The following PSMD1 variants were observed in gnomAD, a reference collection of about 807,000 sequenced individuals.
PSMD1 encodes 26S proteasome non-ATPase regulatory subunit 1.
Under a neutral mutation model 119.0 loss-of-function variants are expected in PSMD1, and 18 were observed. The observed-to-expected ratio is 0.15, with a 90% confidence interval of 0.10 to 0.22. PSMD1 has a LOEUF of 0.22. Among genes scored for constraint, PSMD1 ranks in the 10% least tolerant of loss-of-function variants. The pLI is 1.00. For missense variants in PSMD1, 702 were observed against 1,158.5 expected, an observed-to-expected ratio of 0.61 and a Z score of 5.72; for synonymous variants, 374 against 396.6, an observed-to-expected ratio of 0.94 and a Z score of 0.68.
chr2:231,151,802 A>ATTTTTTTTTTTTTTTTTTTTT (rs1559251249), intron 18 of PSMD1, among the ~76,000 whole-genome samples: 3 of 133,126 alleles, frequency 2.3e-5, no homozygotes, highest in Non-Finnish European at 1.6e-5. Context: ...CAAACATGAG[A>ATTTTTTTTTTTTTTTTTTTTT]ATTTTTTTTT....
intron 16 of PSMD1, among the ~76,000 whole-genome samples, chr2:231,115,817 C>T (rs1342563546): frequency 6.6e-6 from 1 of 152,140 alleles, no homozygotes; most frequent in African/African-American, 2.4e-5. Context: ...TGAGGATCGG[C>T]ATCACCTGGG....
chr2:231,095,107 C>T (rs374279421), intron 16 of PSMD1, among the ~76,000 whole-genome samples: 1 of 152,082 alleles, frequency 6.6e-6, no homozygotes, highest in Non-Finnish European at 1.5e-5. Flanking sequence ...TGGGTCTATG[C>T]GATTTAGTTG....
At chr2:231,110,381 T>C (rs1695117597) in intron 16 of PSMD1, among the ~76,000 whole-genome samples, 1 of 152,232 alleles carries the variant, frequency 6.6e-6, no homozygotes, top group Non-Finnish European at 1.5e-5. Context: ...TTCTGATCTT[T>C]AAATACCATG....
chr2:231,141,319 A>AG, intron 17 of PSMD1, among the ~76,000 whole-genome samples: 1 of 151,666 alleles, frequency 6.6e-6, no homozygotes, highest in East Asian at 1.9e-4. Context: ...AAAAAAAAAA[A>AG]GCTATTTTTC....
intron 20 of PSMD1, among the ~76,000 whole-genome samples, chr2:231,162,522 C>T (rs907038721): frequency 6.6e-6 from 1 of 152,194 alleles, no homozygotes; most frequent in Non-Finnish European, 1.5e-5. Flanking sequence ...ATTAAACATC[C>T]TGTATAACCT....
intron 17 of PSMD1, among the ~76,000 whole-genome samples, chr2:231,144,846 G>A (rs111658166): frequency 1.3e-5 from 2 of 152,132 alleles, no homozygotes; most frequent in African/African-American, 4.8e-5. Flanking sequence ...AGATTGTTTT[G>A]TGCTGGATTT....
intron 16 of PSMD1, among the ~76,000 whole-genome samples, chr2:231,127,272 AAC>A (rs1220780176): frequency 6.6e-6 from 1 of 151,020 alleles, no homozygotes; most frequent in African/African-American, 2.4e-5. Context: ...CAACAACAAC[AAC>A]AAAAAAAAAA....
chr2:231,067,688 G>T (rs189788696), intron 5 of PSMD1, among the ~76,000 whole-genome samples: 10 of 151,116 alleles, frequency 6.6e-5, no homozygotes, highest in Non-Finnish European at 1.3e-4. Flanking sequence ...ATGGAGTCTC[G>T]CTCTGTCAAC....
At chr2:231,061,050 GATGTAATAT>G (rs1219455697) in intron 1 of PSMD1, among the ~76,000 whole-genome samples, 7 of 152,218 alleles carry the variant, frequency 4.6e-5, no homozygotes, top group Admixed American at 1.3e-4. Context: ...TTAGGCAAAT[GATGTAATAT>G]ATGTGGTGCC....
intron 16 of PSMD1, among the ~76,000 whole-genome samples, chr2:231,127,895 C>A (rs1285599663): frequency 1.3e-5 from 2 of 152,170 alleles, no homozygotes; most frequent in Non-Finnish European, 2.9e-5. Flanking sequence ...GATAAAGTAA[C>A]TCTTACTAAA....
chr2:231,084,884 A>G (rs2303355), intron 14 of PSMD1, 135 bp from the exon 15 acceptor site: 25,539 of 653,586 alleles, frequency 0.039, 730 homozygotes, highest in East Asian at 0.12. Context: ...AAAACTACCA[A>G]CCACAAAAGA....
intron 19 of PSMD1, among the ~76,000 whole-genome samples, chr2:231,158,497 C>T (rs1696561626): frequency 6.6e-6 from 1 of 152,090 alleles, no homozygotes; most frequent in Non-Finnish European, 1.5e-5. Context: ...TAAACTCTAC[C>T]TTATTTATTA....
chr2:231,122,698 T>G (rs1574751676), intron 16 of PSMD1, among the ~76,000 whole-genome samples: 6 of 152,114 alleles, frequency 3.9e-5, no homozygotes, highest in Admixed American at 3.9e-4. Flanking sequence ...AAGATTTCAG[T>G]GTCAAACTAT....
intron 16 of PSMD1, among the ~76,000 whole-genome samples, chr2:231,110,089 G>T (rs925941959): frequency 1.3e-5 from 2 of 152,174 alleles, no homozygotes; most frequent in East Asian, 3.9e-4. Context: ...GAGGCCAAGT[G>T]GGGGTGGATT....
rs1693605535 is a variant in PSMD1, at chr2:231,056,928, A to G, written c.-98A>G. ...GACTGACTGAGCAGCGCACCCGGGG[A>G]GCAAGGAGGCGCGGTGAACTGAGCG... On this transcript the variant is annotated 5_prime_UTR_variant, in exon 1 of 25. Transcript: ENST00000308696. The G allele has an allele frequency of 1.3e-6, 2 of 1,483,194 alleles. No individual in the cohort carries two copies. The highest frequency in any genetic ancestry group is 2.6e-5 in the East Asian group (1 of 39,192). 91.9% of individuals were successfully genotyped at this position (1,483,194 alleles called of 1,614,324 possible). A position where few individuals can be genotyped will look rare whatever the true frequency, so the allele number is the denominator to read the frequency against.
chr2:231,062,214 TATCTCA>T, intron 2 of PSMD1, 28 bp from the exon 3 acceptor site: 1 of 1,440,392 alleles, frequency 6.9e-7, no homozygotes, highest in Non-Finnish European at 9.8e-7. Context: ...ATGATAAGTC[TATCTCA>T]AAATAGGATT....
chr2:231,100,812 G>C (rs1032590458), intron 16 of PSMD1, among the ~76,000 whole-genome samples: 3 of 152,190 alleles, frequency 2.0e-5, no homozygotes, highest in African/African-American at 4.8e-5. Flanking sequence ...GTTGTCCCAT[G>C]ATGAAACCCT....
chr2:231,106,708 T>A (rs1574732653), intron 16 of PSMD1, among the ~76,000 whole-genome samples: 1 of 152,148 alleles, frequency 6.6e-6, no homozygotes, highest in African/African-American at 2.4e-5. Context: ...ATTCTGTAGG[T>A]GTGCGTATAT....
At chr2:231,061,524 A>C (rs1482068736) in intron 2 of PSMD1, among the ~76,000 whole-genome samples, 9 of 152,138 alleles carry the variant, frequency 5.9e-5, no homozygotes, top group South Asian at 2.1e-4. Context: ...TCGTTACGAC[A>C]CTTGAATAGC....
Sources: gnomAD v4.1 joint callset for allele counts (sites outside exome capture counted in the v4.1 genomes callset) on GRCh38, gnomAD v4.1.1 for gene constraint, MANE v1.5 for transcripts, NCBI Gene and HGNC (gene_info 2026-07-23, HGNC 2026-07-21) for gene names.